Variants in HGF observed in about 807,000 individuals in gnomAD.
HGF encodes hepatocyte growth factor.
Under a neutral mutation model 111.6 loss-of-function variants are expected in HGF, and 39 were observed. That is an observed-to-expected ratio of 0.35 (90% CI 0.27 to 0.46). HGF has a LOEUF of 0.46. HGF is among the 20% of genes least tolerant of loss of function. HGF has a pLI of 1.00. For missense variants in HGF, 735 were observed against 910.5 expected (o/e 0.81, Z 2.48); for synonymous variants, 285 against 294.8 (o/e 0.97, Z 0.34).
At chr7:81,757,052 TA>T (rs560075661) in intron 4 of HGF, 136 bp downstream of exon 4, 19 of 685,584 alleles carry the variant, frequency 2.8e-5, no homozygotes, top group Middle Eastern at 2.4e-4. Flanking sequence ...TGAATTCATA[TA>T]AACCTTGCCG....
chr7:81,704,609 CT>C (rs1420854438), intron 17 of HGF, among the ~76,000 whole-genome samples: 5 of 151,736 alleles, frequency 3.3e-5, no homozygotes, highest in Non-Finnish European at 7.4e-5. Context: ...GTGTATAACA[CT>C]TGCATTTCAA....
intron 11 of HGF, among the ~76,000 whole-genome samples, chr7:81,715,396 G>T (rs1789683939): frequency 6.6e-6 from 1 of 152,042 alleles, no homozygotes; most frequent in Admixed American, 6.6e-5. Context: ...AAAAGTAGGT[G>T]TGTTTCTTTT....
chr7:81,769,041 G>A (rs772789290), intron 1 of HGF, among the ~76,000 whole-genome samples: 2 of 152,076 alleles, frequency 1.3e-5, no homozygotes, highest in African/African-American at 2.4e-5. Flanking sequence ...ATTCCCCTGC[G>A]CCTACCCTTG....
chr7:81,757,834 T>A (rs111550174), intron 3 of HGF, among the ~76,000 whole-genome samples: 18 of 152,078 alleles, frequency 1.2e-4, no homozygotes, highest in African/African-American at 4.1e-4. Context: ...ACCTATATAT[T>A]CCTACCAAAT....
At chr7:81,705,592 T>C (rs1789402289) in intron 16 of HGF, 55 bp downstream of exon 16, 2 of 1,601,124 alleles carry the variant, frequency 1.2e-6, no homozygotes, top group South Asian at 1.1e-5. Context: ...CAAAGACAAA[T>C]GTGTTCTTTT....
rs1041908281 is a variant in HGF, at chr7:81,701,918, T to C, written c.*663A>G. The C allele has an allele frequency of 1.3e-5, 2 of 159,110 alleles. No individual in the cohort carries two copies. The highest frequency in any genetic ancestry group is 4.8e-5 in the African/African-American group (2 of 41,660). 9.9% of individuals were successfully genotyped at this position (159,110 alleles called of 1,614,324 possible). On this transcript the variant is annotated 3_prime_UTR_variant, in exon 18 of 18. Transcript: ENST00000222390. Reference sequence around the variant, plus strand: ...TAATATTTCTACTGGTCTTTAGAGATTTCTGGTTTTTTTGAGGTAAAACTA... The same window carrying C: ...TAATATTTCTACTGGTCTTTAGAGACTTCTGGTTTTTTTGAGGTAAAACTA...
chr7:81,749,549 T>C (rs1449734212), intron 5 of HGF, among the ~76,000 whole-genome samples: 5 of 152,114 alleles, frequency 3.3e-5, no homozygotes, highest in Non-Finnish European at 5.9e-5. Context: ...AGTTAACATA[T>C]GCATTACTTC....
chr7:81,703,082 C>G (rs567141500), intron 17 of HGF, among the ~76,000 whole-genome samples: 30 of 151,400 alleles, frequency 2.0e-4, no homozygotes, highest in African/African-American at 7.0e-4. Context: ...ACCATCGGTG[C>G]CTATTTAATA....
intron 7 of HGF, among the ~76,000 whole-genome samples, chr7:81,731,052 C>G (rs1053649844): frequency 3.3e-5 from 5 of 152,188 alleles, no homozygotes; most frequent in African/African-American, 4.8e-5. Context: ...CTAAACACCT[C>G]TCTCATACAA....
intron 9 of HGF, among the ~76,000 whole-genome samples, chr7:81,723,629 G>A (rs1583941640): frequency 6.6e-6 from 1 of 150,666 alleles, no homozygotes; most frequent in African/African-American, 2.4e-5. Flanking sequence ...TGTAATTTCA[G>A]TTTTCATTTT....
chr7:81,758,020 A>G (rs1412995588), intron 3 of HGF, among the ~76,000 whole-genome samples: 1 of 152,038 alleles, frequency 6.6e-6, no homozygotes. Context: ...TTAACTTGAA[A>G]ACATCTATAT....
At chr7:81,713,890 T>G (rs6467866) in intron 11 of HGF, among the ~76,000 whole-genome samples, 113,225 of 151,854 alleles carry the variant, frequency 0.75, 43,013 homozygotes, top group Middle Eastern at 0.89. Flanking sequence ...AAAATATATG[T>G]GATACAATAC....
intron 3 of HGF, 66 bp from the exon 4 acceptor site, chr7:81,757,369 T>A (rs749188532): frequency 1.0e-4 from 85 of 840,026 alleles, no homozygotes; most frequent in Non-Finnish European, 1.6e-4. Flanking sequence ...AAGAAAAAAA[T>A]TCCGTTCAAA....
intron 9 of HGF, 87 bp downstream of exon 9, chr7:81,725,803 G>C: frequency 7.0e-7 from 1 of 1,428,902 alleles, no homozygotes; most frequent in Non-Finnish European, 9.9e-7. Flanking sequence ...GCAGCAAGAA[G>C]TAGATCTTAT....
chr7:81,770,035 GGAGTCAGTGCCTAAAA>G, exon 1 of HGF: 1 of 1,223,658 alleles, frequency 8.2e-7, no homozygotes. Flanking sequence ...AATCCTGTTC[GGAGTCAGTGCCTAAAA>G]GAGCCAGTCG....
At chr7:81,757,076 G>T in intron 4 of HGF, 113 bp downstream of exon 4, 1 of 719,258 alleles carries the variant, frequency 1.4e-6, no homozygotes, top group Non-Finnish European at 2.6e-6. Flanking sequence ...ATACAATTCA[G>T]CAAGTTGGCT....
At chr7:81,728,044 G>T (rs1790065774) in intron 8 of HGF, among the ~76,000 whole-genome samples, 1 of 152,164 alleles carries the variant, frequency 6.6e-6, no homozygotes, top group South Asian at 2.1e-4. Flanking sequence ...TAAGGTCTCA[G>T]TACTGGGGCA....
intron 5 of HGF, chr7:81,750,822 T>TG (rs1225300981): frequency 5.2e-6 from 2 of 383,320 alleles, no homozygotes; most frequent in Non-Finnish European, 7.1e-6. Context: ...AGTAGGGTTT[T>TG]TTTTCTTCCA....
intron 3 of HGF, among the ~76,000 whole-genome samples, chr7:81,757,895 G>C (rs188000436): frequency 1.3e-5 from 2 of 151,726 alleles, no homozygotes; most frequent in African/African-American, 2.4e-5. Flanking sequence ...AAGTAAGAAT[G>C]GTGTTATACT....
Sources: allele counts gnomAD v4.1 joint callset (sites outside exome capture counted in the v4.1 genomes callset), GRCh38; gene constraint gnomAD v4.1.1; transcripts MANE v1.5; gene names NCBI Gene and HGNC (gene_info 2026-07-23, HGNC 2026-07-21).